Variants in MAP4K2 observed in about 807,000 individuals in gnomAD.
MAP4K2 encodes mitogen-activated protein kinase kinase kinase kinase 2.
In MAP4K2, 85 loss-of-function variants were observed where a neutral mutation model predicts 125.3. The ratio of observed to expected loss-of-function variants is 0.68; its 90% CI spans 0.57 to 0.81. MAP4K2 has a LOEUF of 0.81. Ranked by LOEUF, MAP4K2 falls within the 40% of genes least tolerant of loss-of-function variation. The probability of loss-of-function intolerance (pLI) is 0.00; values close to 1 mark genes in which losing one functional copy is unlikely to be tolerated. For missense variants in MAP4K2, 923 were observed against 1,056.4 expected, an observed-to-expected ratio of 0.87 and a Z score of 1.75; for synonymous variants, 479 against 445.1, an observed-to-expected ratio of 1.08 and a Z score of -0.96.
rs567025186 is a variant in MAP4K2, at chr11:64,786,693, C to T, written c.*2844G>A. ...CTATCACCACGGCATATGTAGCCAC[C>T]GCTAACTCATTAATGCTGCTTCCAG... On this transcript the variant is annotated 3_prime_UTR_variant, in exon 32 of 32. Transcript: ENST00000294066. 4.6e-5 allele frequency: 7 copies of T among 152,302 alleles called. No homozygotes were observed. In the South Asian group the frequency reaches 6.2e-4, roughly 14 times the overall value. 9.4% of individuals were successfully genotyped at this position (152,302 alleles called of 1,614,324 possible).
intron 24 of MAP4K2, among the ~76,000 whole-genome samples, chr11:64,794,912 G>GGA (rs1940702323): frequency 6.7e-6 from 1 of 149,808 alleles, no homozygotes; most frequent in African/African-American, 2.5e-5. Flanking sequence ...TTTGAGACAA[G>GGA]GTCTTGCTCT....
intron 8 of MAP4K2, 25 bp downstream of exon 8, chr11:64,801,086 C>T: frequency 1.2e-6 from 2 of 1,613,636 alleles, no homozygotes; most frequent in Middle Eastern, 1.7e-4. Flanking sequence ...TGGCCCCTAC[C>T]CCTCCGCCCC....
Position 64,796,858 on chromosome 11 carries a change from G to A in MAP4K2, c.1443C>T (p.Cys481=). Residue 481 remains cysteine, a synonymous_variant, in exon 21 of 32, where the codon TGC becomes TGT. Transcript: ENST00000294066. ...GACFSKVFNG[C]PLRIHAAVTW... ...TGACAGCAGCGTGGATCCGCAGGGG[G>A]CAGCCATTGAAGACCTTGGAGAAGC... 6.2e-7 allele frequency: 1 copy of A among 1,613,824 alleles called. No homozygotes were observed. Among genetic ancestry groups the A allele is most frequent in the South Asian group, 1.1e-5 (1 of 91,092 alleles).
rs1290917436 is a variant in MAP4K2, at chr11:64,789,203, A to G, written c.*334T>C. Reference sequence around the variant, plus strand: ...ATACCGTGTTTCCCAGGACAAATGCAGGGGCAGGCTCTTGGCAGAAAGAGT... The same window carrying G: ...ATACCGTGTTTCCCAGGACAAATGCGGGGGCAGGCTCTTGGCAGAAAGAGT... On this transcript the variant is annotated 3_prime_UTR_variant, in exon 32 of 32. Transcript: ENST00000294066. The G allele has an allele frequency of 5.2e-6, 2 of 384,498 alleles. No homozygotes were observed. The highest frequency in any genetic ancestry group is 9.7e-6 in the Non-Finnish European group (2 of 205,814). 23.8% of individuals were successfully genotyped at this position (384,498 alleles called of 1,614,324 possible).
chr11:64,795,119 T>C (rs538420797), intron 24 of MAP4K2, among the ~76,000 whole-genome samples: 1 of 150,104 alleles, frequency 6.7e-6, no homozygotes, highest in African/African-American at 2.5e-5. Context: ...AGTCTCACTC[T>C]GTCGCCCTGG....
chr11:64,797,554 C>T lies in MAP4K2; in HGVS notation c.1137-20G>A, dbSNP rs746087906. ...AGACTCCTGTGGGAGGGAGATGAGG[C>T]GTGAGGCATGAGGTGTGACTGGCAC... On this transcript the variant is annotated intron_variant, in intron 16 of 31. Transcript: ENST00000294066. 3.6e-5 allele frequency: 57 copies of T among 1,572,618 alleles called. No homozygotes were observed. Among genetic ancestry groups the T allele is most frequent in the East Asian group, 4.7e-5 (2 of 42,778 alleles).
At chr11:64,792,331 G>GCCCCCCGCCCCCCCCCCCCCC in intron 25 of MAP4K2, 33 bp downstream of exon 25, 1 of 1,535,444 alleles carries the variant, frequency 6.5e-7, no homozygotes, top group Non-Finnish European at 8.9e-7. Context: ...CCCCCACCAG[G>GCCCCCCGCCCCCCCCCCCCCC]CCCCGCCCCA....
chr11:64,797,128 G>A lies in MAP4K2; in HGVS notation c.1341C>T (p.Thr447=). The A allele has an allele frequency of 1.2e-6, 2 of 1,614,172 alleles. No individual in the cohort carries two copies. The highest frequency in any genetic ancestry group is 1.7e-6 in the Non-Finnish European group (2 of 1,180,024). The change falls in exon 19 of 32, where the codon ACC becomes ACT. Residue 447 remains threonine, a synonymous_variant. Transcript: ENST00000294066. ...SSPLLPTAWA[T]MKQREDPERS... ...CCTCAGGATCCTCCCGCTGCTTCATGGTGGCCCAGGCCGTGGGCAGCAGTG... is the reference window on the plus strand; with the variant it reads ...CCTCAGGATCCTCCCGCTGCTTCATAGTGGCCCAGGCCGTGGGCAGCAGTG...
rs1336124589 is a variant in MAP4K2 at position 64,787,264 on chromosome 11, C to CAA, written c.*2272_*2273insTT. The CAA allele has an allele frequency of 2.6e-5, 4 of 152,078 alleles. No individual in the cohort carries two copies. The highest frequency in any genetic ancestry group is 7.2e-5 in the African/African-American group (3 of 41,484). 9.4% of individuals were successfully genotyped at this position (152,078 alleles called of 1,614,324 possible). On this transcript the variant is annotated 3_prime_UTR_variant, in exon 32 of 32. Transcript: ENST00000294066. ...CAGGCTGGTCTCGAACCCCTGACCTCGTGATTCGCCCGCCTCGGCCTCCCA... is the reference window on the plus strand; with the variant it reads ...CAGGCTGGTCTCGAACCCCTGACCTCAAGTGATTCGCCCGCCTCGGCCTCCCA...
chr11:64,796,294 A>G lies in MAP4K2; in HGVS notation c.1730T>C (p.Leu577Pro). The part of the protein sequence containing the change: ...QVPLSIPTNR[L>P]TQRIIPRRFA... ...TGACCTGGGGATGATGCGCTGGGTG[A>G]GGCGGTTGGTGGGGATGGAGAGGGG... The change falls in exon 24 of 32, where the codon CTC becomes CCC. Residue 577 changes from leucine to proline, a missense_variant. Leu to Pro is a moderately conservative substitution (Grantham distance 98). This residue lies in a region of MAP4K2 where 833 missense variants were observed against 911.4 expected (regional missense o/e 0.91). Coordinates refer to ENST00000294066, the MANE Select transcript of MAP4K2 (RefSeq NM_004579.5). 1 of 1,535,368 alleles carries G rather than the reference A, an allele frequency of 6.5e-7. No individual in the cohort carries two copies. The highest frequency in any genetic ancestry group is 1.3e-5 in the South Asian group (1 of 77,566).
In MAP4K2 at chr11:64,789,196, C is replaced by G; in HGVS notation, c.*341G>C. On this transcript the variant is annotated 3_prime_UTR_variant, in exon 32 of 32. Coordinates refer to ENST00000294066, the MANE Select transcript of MAP4K2 (RefSeq NM_004579.5). ...CTCTTAAATACCGTGTTTCCCAGGACAAATGCAGGGGCAGGCTCTTGGCAG... is the reference window on the plus strand; with the variant it reads ...CTCTTAAATACCGTGTTTCCCAGGAGAAATGCAGGGGCAGGCTCTTGGCAG... 2.7e-6 allele frequency: 1 copy of G among 374,340 alleles called. No homozygotes were observed. Among genetic ancestry groups the G allele is most frequent in the Non-Finnish European group, 5.0e-6 (1 of 199,586 alleles). 23.2% of individuals were successfully genotyped at this position (374,340 alleles called of 1,614,324 possible).
At position 64,786,194 on chromosome 11, in the gene MAP4K2, G is replaced by A. The variant is rs185806485; in HGVS notation, c.*3343C>T. ...TTTTTGAGCTTTATAATATGCTATC[G>A]TACTGTGCATAAAGTGCTGTTTTAA... On this transcript the variant is annotated 3_prime_UTR_variant, in exon 32 of 32. Transcript: ENST00000294066. 5 of 152,200 alleles carry A rather than the reference G, an allele frequency of 3.3e-5. No homozygotes were observed. The highest frequency in any genetic ancestry group is 1.9e-4 in the East Asian group (1 of 5,192). The allele number at this position is 152,200 out of a possible 1,614,324, so 9.4% of individuals were successfully genotyped here.
rs545496073 is a variant in MAP4K2, at chr11:64,803,075, C to T, written c.75G>A (p.Gly25=). ...GCACCTTGTAGACGTCGCCATAGGTCCCGGCCCCCACGCGCTGCAGCAGCT... is the reference window on the plus strand; with the variant it reads ...GCACCTTGTAGACGTCGCCATAGGTTCCGGCCCCCACGCGCTGCAGCAGCT... The part of the protein sequence containing the change: ...RFELLQRVGA[G]TYGDVYKARD... Residue 25 remains glycine (G), a synonymous_variant, in exon 1 of 32, where the codon GGG becomes GGA. Coordinates refer to ENST00000294066, the MANE Select transcript of MAP4K2 (RefSeq NM_004579.5). The T allele has an allele frequency of 3.1e-6, 5 of 1,603,054 alleles. No individual in the cohort carries two copies. The highest frequency in any genetic ancestry group is 1.1e-5 in the South Asian group (1 of 90,648).
chr11:64,801,210 C>T, intron 7 of MAP4K2, 27 bp from the exon 8 acceptor site: 1 of 1,607,448 alleles, frequency 6.2e-7, no homozygotes, highest in Non-Finnish European at 8.5e-7. Context: ...CCACTCTCAC[C>T]AGCCCTCTGG....
Position 64,792,198 on chromosome 11 carries a change from G to A in MAP4K2, c.1888C>T (p.Pro630Ser). ...TSLLLLQWYE[P>S]LQKFLLLKNF... ...TTCAGCAGCAGAAACTTCTGCAGCG[G>A]CTCATACCACTGCAGCAGGAGCAGG... Residue 630 changes from proline (P) to serine (S), a missense_variant, in exon 26 of 32, where the codon CCG becomes TCG. By Grantham distance (74) the Pro-to-Ser change is moderately conservative (BLOSUM62 -1). Transcript: ENST00000294066. 6.2e-7 allele frequency: 1 copy of A among 1,612,060 alleles called. No individual in the cohort carries two copies. Among genetic ancestry groups the A allele is most frequent in the Non-Finnish European group, 8.5e-7 (1 of 1,179,578 alleles).
intron 12 of MAP4K2, 22 bp from the exon 13 acceptor site, chr11:64,799,705 G>A (rs1231904135): frequency 6.2e-7 from 1 of 1,605,276 alleles, no homozygotes; most frequent in Admixed American, 1.7e-5. Flanking sequence ...CAGAAACAGT[G>A]TGGACACACC....
intron 4 of MAP4K2, 52 bp from the exon 5 acceptor site, chr11:64,802,173 C>A (rs749874771): frequency 2.6e-6 from 4 of 1,519,294 alleles, no homozygotes; most frequent in East Asian, 4.5e-5. Context: ...CATGCCCACC[C>A]TCCCAGGCTA....
At chr11:64,799,173 C>T (rs987265004) in intron 14 of MAP4K2, among the ~76,000 whole-genome samples, 30 of 152,152 alleles carry the variant, frequency 2.0e-4, no homozygotes, top group Admixed American at 1.8e-3. Flanking sequence ...AGGCACATGA[C>T]GGCCTCCTTT....
At chr11:64,792,114 T>TA (rs1167814353) in intron 26 of MAP4K2, 28 bp from the exon 27 acceptor site, 18 of 1,579,502 alleles carry the variant, frequency 1.1e-5, no homozygotes, top group Non-Finnish European at 1.5e-5. Context: ...TGCTCAGGTC[T>TA]CCATTTCTCC....
Sources: allele counts gnomAD v4.1 joint callset (sites outside exome capture counted in the v4.1 genomes callset), GRCh38; gene constraint gnomAD v4.1.1; regional missense constraint gnomAD v4.1.1; transcripts MANE v1.5; gene names NCBI Gene and HGNC (gene_info 2026-07-23, HGNC 2026-07-21).